Variants in PELI2 observed in about 807,000 individuals in gnomAD.
PELI2 encodes pellino E3 ubiquitin protein ligase family member 2.
In PELI2, 23 loss-of-function variants were observed where a neutral mutation model predicts 42.3. The ratio of observed to expected loss-of-function variants is 0.54; its 90% CI spans 0.39 to 0.77. The LOEUF is 0.77. Among genes scored for constraint, PELI2 ranks in the 30% least tolerant of loss-of-function variants. The pLI is 0.00. For synonymous variants in PELI2, 245 were observed against 212.2 expected, an observed-to-expected ratio of 1.15 and a Z score of -1.34; for missense variants, 463 against 553.2, an observed-to-expected ratio of 0.84 and a Z score of 1.64.
At chr14:56,239,692 A>G (rs1231756846) in intron 2 of PELI2, among the ~76,000 whole-genome samples, 2 of 152,104 alleles carry the variant, frequency 1.3e-5, no homozygotes, top group African/African-American at 4.8e-5. Flanking sequence ...TCAGTGCCCT[A>G]TGGTCCTTCC....
intron 2 of PELI2, among the ~76,000 whole-genome samples, chr14:56,186,409 A>G (rs1382626208): frequency 6.6e-6 from 1 of 152,220 alleles, no homozygotes; most frequent in Non-Finnish European, 1.5e-5. Context: ...TCAGGCAGAG[A>G]AATCAGCCAA....
chr14:56,260,154 C>G (rs1888661456), intron 2 of PELI2, among the ~76,000 whole-genome samples: 1 of 152,028 alleles, frequency 6.6e-6, no homozygotes, highest in African/African-American at 2.4e-5. Flanking sequence ...CCAGCAATCC[C>G]CCTCTAGGTA....
chr14:56,121,642 A>G (rs1407491191), intron 1 of PELI2, among the ~76,000 whole-genome samples: 1 of 152,222 alleles, frequency 6.6e-6, no homozygotes, highest in Admixed American at 6.5e-5. Context: ...GCAGTTTGGT[A>G]TAGTGGGAAG....
Position 56,142,802 on chromosome 14 carries a change from A to G in PELI2, c.77+24065A>G, listed in dbSNP as rs1486890088. 2.0e-5 allele frequency among the ~76,000 whole-genome samples: 3 copies of G among 152,184 alleles called. No homozygotes were observed. In the East Asian group the frequency reaches 5.8e-4, roughly 29 times the overall value. On this transcript the variant is annotated intron_variant, in intron 1 of 5. Transcript: ENST00000267460. ...AAAAAACTACTGCCCTATTTTTTTT[A>G]AGATTAAAAAATTATAGGACCAGAT...
chr14:56,290,520 C>A, intron 5 of PELI2, 64 bp downstream of exon 5: 1 of 1,236,802 alleles, frequency 8.1e-7, no homozygotes, highest in South Asian at 1.6e-5. Flanking sequence ...CGAAGGCTAT[C>A]ATTTTCCTCC....
At chr14:56,204,121 C>T (rs566126762) in intron 2 of PELI2, among the ~76,000 whole-genome samples, 3 of 152,110 alleles carry the variant, frequency 2.0e-5, no homozygotes, top group South Asian at 2.1e-4. Flanking sequence ...CAACAGGGGC[C>T]GATTGATGGG....
intron 1 of PELI2, among the ~76,000 whole-genome samples, chr14:56,165,879 T>C (rs1336194054): frequency 6.6e-6 from 1 of 152,204 alleles, no homozygotes; most frequent in Non-Finnish European, 1.5e-5. Context: ...TTTCTATCCC[T>C]TTATTTTCAG....
At chr14:56,249,221 G>A (rs1888262005) in intron 2 of PELI2, among the ~76,000 whole-genome samples, 1 of 149,046 alleles carries the variant, frequency 6.7e-6, no homozygotes, top group African/African-American at 2.4e-5. Context: ...GCGGTATTGA[G>A]CATTTACTCT....
Position 56,296,890 on chromosome 14 carries a change from G to C in PELI2, c.987G>C (p.Glu329Asp). 1 of 1,614,190 alleles carries C rather than the reference G, an allele frequency of 6.2e-7. No individual in the cohort carries two copies. Among genetic ancestry groups the C allele is most frequent in the Admixed American group, 1.7e-5 (1 of 60,034 alleles). ...YHNWGHRSDT[E>D]ANERECPMCR... Reference sequence around the variant, plus strand: ...ACTGGGGCCATCGGAGTGACACGGAGGCCAACGAGAGGGAGTGTCCCATGT... The same window carrying C: ...ACTGGGGCCATCGGAGTGACACGGACGCCAACGAGAGGGAGTGTCCCATGT... The change falls in exon 6 of 6, where the codon GAG (glutamate) becomes GAC (aspartate). Residue 329 changes from glutamate (E) to aspartate (D), a missense_variant. Glu to Asp is a conservative substitution (Grantham distance 45, BLOSUM62 2). Coordinates refer to ENST00000267460, the MANE Select transcript of PELI2 (RefSeq NM_021255.3).
chr14:56,220,564 C>G (rs753571979), intron 2 of PELI2, among the ~76,000 whole-genome samples: 11 of 151,976 alleles, frequency 7.2e-5, no homozygotes, highest in Admixed American at 1.3e-4. Context: ...GTGATTGTGC[C>G]AAAAAATCAT....
intron 2 of PELI2, among the ~76,000 whole-genome samples, chr14:56,252,600 A>G (rs1429956666): frequency 1.3e-5 from 2 of 152,184 alleles, no homozygotes; most frequent in African/African-American, 2.4e-5. Context: ...TTAGTAGTGG[A>G]AAGGTGAGAG....
rs1476647905 is a variant in PELI2 at position 56,118,560 on chromosome 14, C to T, written c.-101C>T. ...GCCGTGCCCTTCCCCGGCGCGCTCA[C>T]CCCGTTCTCGGGATGGGATTGTAGC... On this transcript the variant is annotated 5_prime_UTR_variant, in exon 1 of 6. Transcript: ENST00000267460. 4.2e-6 allele frequency: 3 copies of T among 714,934 alleles called. No individual in the cohort carries two copies. Among genetic ancestry groups the T allele is most frequent in the Non-Finnish European group, 5.9e-6 (3 of 507,538 alleles). The allele number at this position is 714,934 out of a possible 1,614,324, so 44.3% of individuals were successfully genotyped here.
intron 3 of PELI2, among the ~76,000 whole-genome samples, 184 bp downstream of exon 3, chr14:56,279,961 A>G (rs1327857589): frequency 6.6e-6 from 1 of 152,172 alleles, no homozygotes; most frequent in Admixed American, 6.6e-5. Context: ...TTGTAAAGGG[A>G]AATTATAAAG....
At chr14:56,261,056 G>A (rs549262322) in intron 2 of PELI2, among the ~76,000 whole-genome samples, 1 of 150,652 alleles carries the variant, frequency 6.6e-6, no homozygotes, top group South Asian at 2.1e-4. Context: ...TTTCTTAAAT[G>A]TTCTGGCTGC....
Position 56,297,095 on chromosome 14 carries a change from C to A in PELI2, c.1192C>A (p.Pro398Thr). ...HGTHAFHAAC[P>T]FCATQLVGEQ... The stretch of plus-strand genomic sequence containing the variant: ...AACTCATGCATTTCACGCTGCTTGC[C>A]CTTTCTGTGCTACACAGCTGGTTGG... The change falls in exon 6 of 6, where the codon CCT becomes ACT. Residue 398 changes from proline to threonine, a missense_variant. By Grantham distance (38) the Pro-to-Thr change is conservative. This residue lies in a region of PELI2 where 103 missense variants were observed against 129.6 expected (regional missense o/e 0.80). Coordinates refer to ENST00000267460, the MANE Select transcript of PELI2 (RefSeq NM_021255.3). The A allele has an allele frequency of 6.2e-7, 1 of 1,609,252 alleles. No homozygotes were observed.
chr14:56,241,158 A>G lies in PELI2; in HGVS notation c.208-38518A>G, dbSNP rs1887961834. Among the ~76,000 whole-genome samples, 3 of 152,240 alleles carry G rather than the reference A, an allele frequency of 2.0e-5. No homozygotes were observed. The South Asian group carries it at 6.2e-4, about 32-fold the overall frequency. On this transcript the variant is annotated intron_variant, in intron 2 of 5. Transcript: ENST00000267460. ...GAGAAAAAGACCTTACAGATAGCAA[A>G]GGGTAAGGATCCTGCTCCCTCCAGT...
chr14:56,160,663 TC>T (rs1413208136), intron 1 of PELI2, among the ~76,000 whole-genome samples: 1 of 152,158 alleles, frequency 6.6e-6, no homozygotes, highest in Admixed American at 6.5e-5. Context: ...CAGCAACATA[TC>T]AAAGCCAGTA....
In PELI2 at chr14:56,300,934, A is replaced by G. The variant is rs1890153923; in HGVS notation, c.*3768A>G. 1 of 152,244 alleles carries G rather than the reference A, an allele frequency of 6.6e-6. No homozygotes were observed. Among genetic ancestry groups the G allele is most frequent in the Non-Finnish European group, 1.5e-5 (1 of 68,050 alleles). The allele number at this position is 152,244 out of a possible 1,614,324, so 9.4% of individuals were successfully genotyped here. On this transcript the variant is annotated 3_prime_UTR_variant, in exon 6 of 6. Coordinates refer to ENST00000267460, the MANE Select transcript of PELI2 (RefSeq NM_021255.3). ...CAGTATTTTCTTTTTAGTATAACTT[A>G]CATCCTTTCAAATAAGTCTTTGCCC...
chr14:56,275,469 T>A (rs1238377976), intron 2 of PELI2, among the ~76,000 whole-genome samples: 2 of 152,318 alleles, frequency 1.3e-5, no homozygotes, highest in Non-Finnish European at 2.9e-5. Flanking sequence ...GCCCTGAGTT[T>A]GTTTTCCAGC....
Sources: allele counts gnomAD v4.1 joint callset (sites outside exome capture counted in the v4.1 genomes callset), GRCh38; gene constraint gnomAD v4.1.1; regional missense constraint gnomAD v4.1.1; transcripts MANE v1.5; gene names NCBI Gene and HGNC (gene_info 2026-07-23, HGNC 2026-07-21).